Variants in PAX5 observed in about 807,000 individuals in gnomAD.
The protein encoded by PAX5 is paired box protein Pax-5.
Under a neutral mutation model 43.7 loss-of-function variants are expected in PAX5, and 9 were observed. That is an observed-to-expected ratio of 0.21 (90% CI 0.12 to 0.36). PAX5 has a LOEUF of 0.36. Ranked by LOEUF, PAX5 falls within the 10% of genes least tolerant of loss-of-function variation. The pLI, the probability that PAX5 is intolerant of heterozygous loss-of-function variation, is 1.00. For synonymous variants in PAX5, 228 were observed against 214.3 expected, an observed-to-expected ratio of 1.06 and a Z score of -0.56; for missense variants, 383 against 532.7, an observed-to-expected ratio of 0.72 and a Z score of 2.77.
intron 3 of PAX5, among the ~76,000 whole-genome samples, chr9:37,014,227 G>T (rs1046138197): frequency 1.3e-5 from 2 of 152,144 alleles, no homozygotes; most frequent in Non-Finnish European, 2.9e-5. Context: ...CCTTCCATGT[G>T]TCTTGGATCA....
intron 7 of PAX5, among the ~76,000 whole-genome samples, chr9:36,895,341 C>T (rs1288568859): frequency 6.6e-6 from 1 of 152,188 alleles, no homozygotes; most frequent in African/African-American, 2.4e-5. Context: ...CTTCTAAATG[C>T]CTTACTTGCG....
chr9:36,833,648 A>G lies in PAX5; in HGVS notation c.*6912T>C, dbSNP rs1821433349. ...ATCTTTGGCAAATTGGCACTGCTGTAATTACATTCAAATATTATTACACAC... is the reference window on the plus strand; with the variant it reads ...ATCTTTGGCAAATTGGCACTGCTGTGATTACATTCAAATATTATTACACAC... On this transcript the variant is annotated 3_prime_UTR_variant, in exon 10 of 10. Coordinates refer to ENST00000358127, the MANE Select transcript of PAX5 (RefSeq NM_016734.3). The G allele has an allele frequency of 4.3e-6, 1 of 233,064 alleles. No individual in the cohort carries two copies. The highest frequency in any genetic ancestry group is 8.5e-6 in the Non-Finnish European group (1 of 118,022). 14.4% of individuals were successfully genotyped at this position (233,064 alleles called of 1,614,324 possible). A position where few individuals can be genotyped will look rare whatever the true frequency, so the allele number is the denominator to read the frequency against.
intron 6 of PAX5, among the ~76,000 whole-genome samples, chr9:36,939,660 C>A (rs1252343440): frequency 1.3e-5 from 2 of 152,164 alleles, no homozygotes; most frequent in African/African-American, 4.8e-5. Flanking sequence ...CAGCTCCTGA[C>A]AGCCTGCTAA....
At chr9:37,011,372 A>G (rs1179411597) in intron 3 of PAX5, among the ~76,000 whole-genome samples, 1 of 152,194 alleles carries the variant, frequency 6.6e-6, no homozygotes, top group African/African-American at 2.4e-5. Flanking sequence ...CAGAACACCC[A>G]ACAATACTGG....
chr9:36,841,887 T>A (rs1172584777), intron 9 of PAX5, among the ~76,000 whole-genome samples: 1 of 152,112 alleles, frequency 6.6e-6, no homozygotes, highest in Non-Finnish European at 1.5e-5. Flanking sequence ...GCAAGATGGT[T>A]CTAGCAAGTT....
At chr9:36,849,013 G>A (rs1822884094) in intron 8 of PAX5, among the ~76,000 whole-genome samples, 1 of 152,208 alleles carries the variant, frequency 6.6e-6, no homozygotes, top group Admixed American at 6.5e-5. Flanking sequence ...GAGGTCCTTG[G>A]CTACCTTTTC....
chr9:37,019,787 G>C (rs903477192), intron 2 of PAX5, among the ~76,000 whole-genome samples: 2 of 152,168 alleles, frequency 1.3e-5, no homozygotes, highest in African/African-American at 4.8e-5. Context: ...CACATGCCCA[G>C]AAACAAACCT....
chr9:36,989,612 AC>A (rs1452240070), intron 5 of PAX5, among the ~76,000 whole-genome samples: 1 of 152,208 alleles, frequency 6.6e-6, no homozygotes, highest in African/African-American at 2.4e-5. Flanking sequence ...CAGAAAGAGG[AC>A]CACAGGCACC....
rs1168010760 is a variant in PAX5, at chr9:36,835,610, G to A, written c.*4950C>T. 6 of 233,220 alleles carry A rather than the reference G, an allele frequency of 2.6e-5. No homozygotes were observed. Among genetic ancestry groups the A allele is most frequent in the East Asian group, 6.0e-5 (1 of 16,604 alleles). 14.4% of individuals were successfully genotyped at this position (233,220 alleles called of 1,614,324 possible). On this transcript the variant is annotated 3_prime_UTR_variant, in exon 10 of 10. Coordinates refer to ENST00000358127, the MANE Select transcript of PAX5 (RefSeq NM_016734.3). ...TGGGGCACGCCGTGGGCTAGGAGTC[G>A]TGGCCTGACTGTCCAACTTTCCAAT...
chr9:36,920,095 G>C (rs1830044924), intron 7 of PAX5, among the ~76,000 whole-genome samples: 1 of 152,158 alleles, frequency 6.6e-6, no homozygotes, highest in African/African-American at 2.4e-5. Context: ...TGAATAAGGA[G>C]TTGCTTCTTA....
At chr9:36,843,601 C>G (rs992983140) in intron 9 of PAX5, among the ~76,000 whole-genome samples, 2 of 152,034 alleles carry the variant, frequency 1.3e-5, no homozygotes, top group African/African-American at 4.8e-5. Context: ...TGGCCAATAT[C>G]GTTTGTGCTC....
chr9:36,942,248 G>C (rs1377561093), intron 6 of PAX5, among the ~76,000 whole-genome samples: 1 of 152,252 alleles, frequency 6.6e-6, no homozygotes, highest in East Asian at 1.9e-4. Context: ...TTTTCAGATG[G>C]AAGCTGAAGG....
At chr9:36,880,236 A>C (rs1372033147) in intron 8 of PAX5, among the ~76,000 whole-genome samples, 1 of 152,240 alleles carries the variant, frequency 6.6e-6, no homozygotes, top group African/African-American at 2.4e-5. Context: ...TGGGATCCTC[A>C]TCACCACGTG....
rs1564078870 is a variant in PAX5 at position 37,015,112 on chromosome 9, T to G, written c.295A>C (p.Ile99Leu). Residue 99 changes from isoleucine to leucine, a missense_variant, in exon 3 of 10, where the codon ATC becomes CTC. Ile to Leu is a conservative substitution (Grantham distance 5). Transcript: ENST00000358127. This position sits in a 1 kb window ranked among gnomAD's most constrained non-coding sequence, Gnocchi z 4.4. ...KVATPKVVEK[I>L]AEYKRQNPTM... ...GGATTTTGGCGTTTATATTCAGCGA[T>G]TTTTTCCACCACTTTGGGTGTGGCG... 1 of 1,614,204 alleles carries G rather than the reference T, an allele frequency of 6.2e-7. No individual in the cohort carries two copies. Among genetic ancestry groups the G allele is most frequent in the East Asian group, 2.2e-5 (1 of 44,890 alleles).
At chr9:36,870,251 C>T (rs1013138124) in intron 8 of PAX5, among the ~76,000 whole-genome samples, 20 of 152,198 alleles carry the variant, frequency 1.3e-4, no homozygotes, top group African/African-American at 4.3e-4. Context: ...AGGCTCTCTC[C>T]CAAGCCCCTT....
rs758368747 is a variant in PAX5, at chr9:37,006,513, C to T, written c.435G>A (p.Gln145=). Residue 145 remains glutamine (Q), a synonymous_variant, in exon 4 of 10, where the codon CAG becomes CAA. Transcript: ENST00000358127. ...INRIIRTKVQ[Q]PPNQPVPASS... ...AAGCTGGGACTGGTTGGTTGGGTGG[C>T]TGCTGTACTTTTGTCCGGATGATCC... The T allele has an allele frequency of 2.5e-6, 4 of 1,613,992 alleles. No homozygotes were observed. Among genetic ancestry groups the T allele is most frequent in the Admixed American group, 3.3e-5 (2 of 59,994 alleles).
rs950195752 is a variant in PAX5 at position 36,839,283 on chromosome 9, G to A, written c.*1277C>T. 1.7e-5 allele frequency: 4 copies of A among 233,352 alleles called. No homozygotes were observed. Among genetic ancestry groups the A allele is most frequent in the East Asian group, 6.0e-5 (1 of 16,590 alleles). The allele number at this position is 233,352 out of a possible 1,614,324, so 14.5% of individuals were successfully genotyped here. On this transcript the variant is annotated 3_prime_UTR_variant, in exon 10 of 10. Coordinates refer to ENST00000358127, the MANE Select transcript of PAX5 (RefSeq NM_016734.3). ...CTCCAAGCTCCCTCTCCAAGTTCCC[G>A]TGGCCCTTGGCCGTGGCCCTGACCA...
At chr9:36,972,484 T>A (rs1834997897) in intron 5 of PAX5, among the ~76,000 whole-genome samples, 1 of 152,224 alleles carries the variant, frequency 6.6e-6, no homozygotes, top group African/African-American at 2.4e-5. Flanking sequence ...TGCTAAGTAG[T>A]ATTAAATGAG....
chr9:36,967,231 A>G (rs1309191415), intron 5 of PAX5, among the ~76,000 whole-genome samples: 1 of 152,232 alleles, frequency 6.6e-6, no homozygotes, highest in African/African-American at 2.4e-5. Context: ...GGAAGACTGT[A>G]GGAAAACGGG....
Sources: allele counts gnomAD v4.1 joint callset (sites outside exome capture counted in the v4.1 genomes callset), GRCh38; gene constraint gnomAD v4.1.1; non-coding constraint Gnocchi (gnomAD v3.1); transcripts MANE v1.5; gene names NCBI Gene and HGNC (gene_info 2026-07-23, HGNC 2026-07-21).